The following EPHB1 variants were observed in gnomAD, a reference collection of about 807,000 sequenced individuals.
EPHB1 encodes the protein ephrin type-B receptor 1.
EPHB1 carries 30 observed loss-of-function variants against 94.4 expected under a neutral mutation model. The observed-to-expected ratio is 0.32, with a 90% CI of 0.24 to 0.43. The LOEUF is 0.43. EPHB1 is among the 20% of genes least tolerant of loss of function. The pLI, the probability that EPHB1 is intolerant of heterozygous loss-of-function variation, is 1.00. For missense variants in EPHB1, 1,055 were observed against 1,308.3 expected (o/e 0.81, Z 2.99); for synonymous variants, 522 against 489.1 (o/e 1.07, Z -0.89).
intron 1 of EPHB1, among the ~76,000 whole-genome samples, chr3:134,860,587 G>A (rs923119934): frequency 6.6e-6 from 1 of 152,068 alleles, no homozygotes; most frequent in Non-Finnish European, 1.5e-5. Context: ...GGCCGAGACG[G>A]GCAGATCACG....
Position 135,248,503 on chromosome 3 carries a change from C to T in EPHB1, c.2684C>T (p.Thr895Ile), listed in dbSNP as rs1943981839. Residue 895 changes from threonine to isoleucine, a missense_variant, in exon 14 of 16, where the codon ACC becomes ATC. Transcript: ENST00000398015. ...PASLKTVATI[T>I]AVPSQPLLDR... ...AGTCTCAAGACTGTGGCAACCATCA[C>T]CGCCGTGTGAGTCTAGTGAAACGGT... 6 of 1,597,062 alleles carry T rather than the reference C, an allele frequency of 3.8e-6. No homozygotes were observed. Among genetic ancestry groups the T allele is most frequent in the Non-Finnish European group, 5.1e-6 (6 of 1,168,246 alleles).
intron 3 of EPHB1, among the ~76,000 whole-genome samples, chr3:135,055,661 A>G (rs1937326719): frequency 6.6e-6 from 1 of 152,182 alleles, no homozygotes; most frequent in Non-Finnish European, 1.5e-5. Flanking sequence ...AGTCCTGGTA[A>G]GTCCCTGTCC....
chr3:134,967,029 T>C (rs1933779688), intron 3 of EPHB1, among the ~76,000 whole-genome samples: 1 of 152,172 alleles, frequency 6.6e-6, no homozygotes, highest in African/African-American at 2.4e-5. Context: ...CCAGCCTCAC[T>C]CTAAAGGCTG....
chr3:135,217,796 T>C (rs1368374653), intron 12 of EPHB1, among the ~76,000 whole-genome samples: 1 of 152,226 alleles, frequency 6.6e-6, no homozygotes, highest in Admixed American at 6.5e-5. Context: ...TAATCCTTTC[T>C]GCAAGATTTT....
rs780900329 is a variant in EPHB1, at chr3:135,132,721, A to G, written c.969A>G (p.Pro323=). 2 of 1,586,734 alleles carry G rather than the reference A, an allele frequency of 1.3e-6. No homozygotes were observed. Among genetic ancestry groups the G allele is most frequent in the East Asian group, 2.3e-5 (1 of 44,432 alleles). ...TTCTTTGTCTCCCTGCAGGCGTCCC[A>G]TCAGGTCCCCGCAATGTTATCTCCA... The part of the protein sequence containing the change: ...DPPEVACTSV[P]SGPRNVISIV... Residue 323 remains proline, a synonymous_variant, in exon 5 of 16, where the codon CCA becomes CCG. Coordinates refer to ENST00000398015, the MANE Select transcript of EPHB1 (RefSeq NM_004441.5).
Position 135,249,316 on chromosome 3 carries a change from GCC to G in EPHB1, c.2691-18_2691-17del. On this transcript the variant is annotated intron_variant, in intron 14 of 15. Coordinates refer to ENST00000398015, the MANE Select transcript of EPHB1 (RefSeq NM_004441.5). The stretch of plus-strand genomic sequence containing the variant: ...GCATCTCTGCAATGTGTGGTCACCT[GCC>G]CATCTCTGTCTCACCAGGCCTTCCC... 6.2e-7 allele frequency: 1 copy of G among 1,601,718 alleles called. No homozygotes were observed.
intron 6 of EPHB1, among the ~76,000 whole-genome samples, chr3:135,160,955 T>C (rs933408371): frequency 1.3e-5 from 2 of 152,160 alleles, no homozygotes; most frequent in Non-Finnish European, 2.9e-5. Flanking sequence ...GAGATTGGAA[T>C]TGACTTCATT....
chr3:134,842,224 A>G (rs2036790008), intron 1 of EPHB1, among the ~76,000 whole-genome samples: 1 of 152,240 alleles, frequency 6.6e-6, no homozygotes, highest in Admixed American at 6.5e-5. Context: ...GGTCCTCACC[A>G]GTCTCCAAAT....
At chr3:134,852,608 G>A (rs2037012211) in intron 1 of EPHB1, 1 of 152,190 alleles carries the variant, frequency 6.6e-6, no homozygotes, top group Non-Finnish European at 1.5e-5. Context: ...AGAGGGTAAA[G>A]TCACATTCCT....
intron 3 of EPHB1, among the ~76,000 whole-genome samples, chr3:135,039,798 G>A (rs190275237): frequency 1.3e-3 from 198 of 152,324 alleles, no homozygotes; most frequent in Non-Finnish European, 2.3e-3. Flanking sequence ...CCCGGTTCCC[G>A]CTCGTGCCTC....
intron 3 of EPHB1, among the ~76,000 whole-genome samples, chr3:135,082,981 G>A (rs1209549113): frequency 1.3e-5 from 2 of 152,152 alleles, no homozygotes; most frequent in Non-Finnish European, 2.9e-5. Context: ...AAGTGCTTCC[G>A]TGCGAGGGGC....
intron 1 of EPHB1, among the ~76,000 whole-genome samples, chr3:134,894,700 G>A (rs749022002): frequency 1.3e-5 from 2 of 152,222 alleles, no homozygotes; most frequent in Admixed American, 6.5e-5. Flanking sequence ...TCTGCTGTGC[G>A]CTTTTCAACA....
chr3:135,180,129 C>T, intron 10 of EPHB1, 147 bp downstream of exon 10: 1 of 952,488 alleles, frequency 1.0e-6, no homozygotes, highest in Non-Finnish European at 1.5e-6. Flanking sequence ...TCTGAACTAT[C>T]TACATGTGTA....
At chr3:135,020,647 T>G (rs1935958133) in intron 3 of EPHB1, among the ~76,000 whole-genome samples, 1 of 152,352 alleles carries the variant, frequency 6.6e-6, no homozygotes, top group East Asian at 1.9e-4. Context: ...AGTTTTAAAT[T>G]TTTATGTATT....
chr3:134,979,237 T>C (rs1359629164), intron 3 of EPHB1, among the ~76,000 whole-genome samples: 1 of 87,252 alleles, frequency 1.1e-5, no homozygotes, highest in African/African-American at 7.9e-5. Flanking sequence ...AATCAAGTGA[T>C]TAGATCTTTG....
chr3:134,892,825 G>C (rs554305307), intron 1 of EPHB1, among the ~76,000 whole-genome samples: 11 of 148,304 alleles, frequency 7.4e-5, no homozygotes, highest in Non-Finnish European at 1.5e-4. Flanking sequence ...CCTAACTCTT[G>C]GTGTGTAATT....
At chr3:134,811,242 G>GTTTTTGTTTTTTTTTT (rs2036168949) in intron 1 of EPHB1, among the ~76,000 whole-genome samples, 1 of 73,850 alleles carries the variant, frequency 1.4e-5, no homozygotes, top group Non-Finnish European at 2.7e-5. Context: ...TACTAAGAAG[G>GTTTTTGTTTTTTTTTT]TTTTTTTTTT....
intron 12 of EPHB1, among the ~76,000 whole-genome samples, chr3:135,209,616 A>G (rs149729249): frequency 6.6e-6 from 1 of 152,292 alleles, no homozygotes; most frequent in African/African-American, 2.4e-5. Context: ...AGACAGAGAA[A>G]CTGCTCCAGA....
intron 12 of EPHB1, among the ~76,000 whole-genome samples, chr3:135,205,876 A>G (rs890801140): frequency 6.6e-6 from 1 of 152,150 alleles, no homozygotes; most frequent in Non-Finnish European, 1.5e-5. Context: ...GTTCTTTTTT[A>G]AGGTAAAGTG....
Sources: gnomAD v4.1 joint callset for allele counts (sites outside exome capture counted in the v4.1 genomes callset) on GRCh38, gnomAD v4.1.1 for gene constraint, MANE v1.5 for transcripts, NCBI Gene and HGNC (gene_info 2026-07-23, HGNC 2026-07-21) for gene names.